ZNF723: variants seen among roughly 807,000 people sequenced by gnomAD.
The protein encoded by ZNF723 is zinc finger protein 723, pseudogene.
ZNF723 carries 5 observed loss-of-function variants against 9.4 expected under a neutral mutation model. The ratio of observed to expected loss-of-function variants is 0.53; its 90% CI spans 0.28 to 1.12. The LOEUF (loss-of-function observed/expected upper bound fraction) is 1.12, where lower values mean the gene tolerates loss of function less well. Among genes scored for constraint, ZNF723 ranks in the 50% most tolerant of loss-of-function variants. The pLI is 0.10. For missense variants in ZNF723, 450 were observed against 501.5 expected (o/e 0.90, Z 0.98); for synonymous variants, 158 against 168.8 (o/e 0.94, Z 0.49).
rs1278180944 is a variant in ZNF723 at position 22,848,346 on chromosome 19, G to A, written c.89G>A (p.Arg30Lys). 3.4e-6 allele frequency: 5 copies of A among 1,473,110 alleles called. No individual in the cohort carries two copies. Among genetic ancestry groups the A allele is most frequent in the African/African-American group, 2.8e-5 (2 of 71,524 alleles). 91.3% of individuals were successfully genotyped at this position (1,473,110 alleles called of 1,614,324 possible). Residue 30 changes from arginine to lysine, a missense_variant, in exon 2 of 4, where the codon AGG becomes AAG. Transcript: ENST00000600766. ...GACACTGCACAGCAGAATTTATATA[G>A]GGATGTGATGTTAGAGAACTACAGA... Reference protein sequence around the residue: ...FLDTAQQNLYRDVMLENYRNL... With the variant: ...FLDTAQQNLYKDVMLENYRNL...
intron 1 of ZNF723, among the ~76,000 whole-genome samples, chr19:22,843,077 C>T (rs1388893114): frequency 1.3e-5 from 2 of 152,188 alleles, no homozygotes; most frequent in African/African-American, 2.4e-5. Context: ...ACCACAACTA[C>T]ACCTGTCCCT....
intron 1 of ZNF723, among the ~76,000 whole-genome samples, chr19:22,836,521 G>A (rs989844280): frequency 6.6e-6 from 1 of 152,160 alleles, no homozygotes; most frequent in African/African-American, 2.4e-5. Flanking sequence ...GGTGGTAGGG[G>A]AATGGCAAAT....
the ZNF723 span, among the ~76,000 whole-genome samples, chr19:22,814,521 TG>T: frequency 6.6e-6 from 1 of 152,208 alleles, no homozygotes; most frequent in Non-Finnish European, 1.5e-5. Flanking sequence ...TCAGGACACC[TG>T]TGAGCCTCTG....
the ZNF723 span, among the ~76,000 whole-genome samples, chr19:22,818,095 T>A: frequency 6.6e-6 from 1 of 152,208 alleles, no homozygotes; most frequent in Non-Finnish European, 1.5e-5. Flanking sequence ...AGAACTCTTC[T>A]ATGTAAACCC....
chr19:22,822,591 A>T, the ZNF723 span, among the ~76,000 whole-genome samples: 1 of 152,122 alleles, frequency 6.6e-6, no homozygotes, highest in Non-Finnish European at 1.5e-5. Context: ...AGCTGGGGGC[A>T]GTGGCGCATG....
At position 22,858,595 on chromosome 19, in the gene ZNF723, C is replaced by G; in HGVS notation, c.*162C>G. ...CCAACCTAACATGGTGAAACAACGT[C>G]TCTACTAAAATACAAAAAAAATTAG... On this transcript the variant is annotated 3_prime_UTR_variant, in exon 4 of 4. Coordinates refer to ENST00000600766, the MANE Select transcript of ZNF723 (RefSeq NM_001349726.2). The G allele has an allele frequency of 2.1e-6, 1 of 471,906 alleles. No individual in the cohort carries two copies. 29.2% of individuals were successfully genotyped at this position (471,906 alleles called of 1,614,324 possible).
At chr19:22,846,789 T>C (rs1316638082) in intron 1 of ZNF723, among the ~76,000 whole-genome samples, 1 of 150,578 alleles carries the variant, frequency 6.6e-6, no homozygotes, top group East Asian at 1.9e-4. Context: ...TGTTTCTGTA[T>C]GGTTGCATTC....
the ZNF723 span, among the ~76,000 whole-genome samples, chr19:22,812,998 G>C: frequency 6.6e-6 from 1 of 151,922 alleles, no homozygotes; most frequent in African/African-American, 2.4e-5. Flanking sequence ...TTTTGTGACA[G>C]AGTCTCACTT....
chr19:22,824,997 G>A, the ZNF723 span, among the ~76,000 whole-genome samples: 1 of 152,264 alleles, frequency 6.6e-6, no homozygotes, highest in South Asian at 2.1e-4. Flanking sequence ...AAGCCTTTGA[G>A]TGGTACATGG....
At chr19:22,839,908 T>A (rs1392108052) in intron 1 of ZNF723, among the ~76,000 whole-genome samples, 2 of 152,232 alleles carry the variant, frequency 1.3e-5, no homozygotes, top group Non-Finnish European at 2.9e-5. Context: ...TAGCCACACG[T>A]ATGCCTCCTT....
chr19:22,830,316 A>G (rs1967080741), upstream of ZNF723, among the ~76,000 whole-genome samples: 2 of 152,174 alleles, frequency 1.3e-5, no homozygotes, highest in South Asian at 2.1e-4. Context: ...GGCAGGCAAC[A>G]TCATGCCTGG....
chr19:22,838,814 C>T (rs1037458144), intron 1 of ZNF723, among the ~76,000 whole-genome samples: 1 of 152,008 alleles, frequency 6.6e-6, no homozygotes, highest in African/African-American at 2.4e-5. Flanking sequence ...ATGGCATGAT[C>T]TCTGCTCACC....
At chr19:22,857,067 T>G in intron 3 of ZNF723, 51 bp from the exon 4 acceptor site, 4 of 669,186 alleles carry the variant, frequency 6.0e-6, no homozygotes, top group Non-Finnish European at 1.0e-5. Context: ...GTAAAGTATA[T>G]CCATCTGAGT....
the ZNF723 span, among the ~76,000 whole-genome samples, chr19:22,820,263 C>T: frequency 1.3e-5 from 2 of 152,102 alleles, no homozygotes; most frequent in Non-Finnish European, 2.9e-5. Context: ...TTGTGAAATA[C>T]TCATGGGCCC....
upstream of ZNF723, among the ~76,000 whole-genome samples, chr19:22,829,521 G>C (rs984865478): frequency 6.6e-6 from 1 of 152,124 alleles, no homozygotes; most frequent in East Asian, 1.9e-4. Flanking sequence ...CTGACCTCAG[G>C]TGATCTGTCT....
the ZNF723 span, among the ~76,000 whole-genome samples, chr19:22,824,030 T>G: frequency 6.6e-6 from 1 of 152,366 alleles, no homozygotes; most frequent in South Asian, 2.1e-4. Context: ...ACCTAGGTAA[T>G]TTGAGTCTTC....
At chr19:22,852,827 G>C (rs529395386) in intron 3 of ZNF723, among the ~76,000 whole-genome samples, 153 of 151,692 alleles carry the variant, frequency 1.0e-3, no homozygotes, top group African/African-American at 3.6e-3. Context: ...TTCATTTCTT[G>C]GTGCTTTTCA....
chr19:22,812,747 T>A, the ZNF723 span, among the ~76,000 whole-genome samples: 5 of 151,966 alleles, frequency 3.3e-5, no homozygotes, highest in Admixed American at 2.0e-4. Context: ...ATGAAAACAG[T>A]TTAAAGGTAC....
upstream of ZNF723, among the ~76,000 whole-genome samples, chr19:22,828,004 C>T (rs779344316): frequency 2.0e-5 from 3 of 151,936 alleles, no homozygotes; most frequent in Non-Finnish European, 2.9e-5. Flanking sequence ...CACTTGAACC[C>T]GGGAGGCGGA....
Sources: allele counts gnomAD v4.1 joint callset (sites outside exome capture counted in the v4.1 genomes callset), GRCh38; gene constraint gnomAD v4.1.1; transcripts MANE v1.5; gene names NCBI Gene and HGNC (gene_info 2026-07-23, HGNC 2026-07-21).